The following PHF24 variants were observed in gnomAD, a reference collection of about 807,000 sequenced individuals.
PHF24 encodes Galpha inhibitory interacting protein.
In PHF24, 25 loss-of-function variants were observed where a neutral mutation model predicts 42.6. That is an observed-to-expected ratio of 0.59 (90% confidence interval 0.43 to 0.82). The LOEUF (loss-of-function observed/expected upper bound fraction) is 0.82, where lower values mean the gene tolerates loss of function less well. Among genes scored for constraint, PHF24 ranks in the 40% least tolerant of loss-of-function variants. The probability of loss-of-function intolerance (pLI) is 0.00; values close to 1 mark genes in which losing one functional copy is unlikely to be tolerated. For synonymous variants in PHF24, 185 were observed against 204.8 expected (o/e 0.90, Z 0.83); for missense variants, 470 against 538.1 (o/e 0.87, Z 1.25).
chr9:34,722,596 C>T, the PHF24 span, among the ~76,000 whole-genome samples: 3 of 152,240 alleles, frequency 2.0e-5, no homozygotes, highest in East Asian at 1.9e-4. Flanking sequence ...GTTCTTGGCA[C>T]GTAATAAACA....
At chr9:34,847,746 A>T in the PHF24 span, among the ~76,000 whole-genome samples, 1 of 152,146 alleles carries the variant, frequency 6.6e-6, no homozygotes, top group South Asian at 2.1e-4. Context: ...TTTGTCATAG[A>T]TAGCTCTTAT....
chr9:34,688,858 C>T, the PHF24 span, among the ~76,000 whole-genome samples: 3 of 152,154 alleles, frequency 2.0e-5, no homozygotes, highest in Non-Finnish European at 4.4e-5. Context: ...TGCTGGACAC[C>T]ACAAAAACAG....
At chr9:34,922,662 C>T in the PHF24 span, 1 of 1,204,348 alleles carries the variant, frequency 8.3e-7, no homozygotes, top group South Asian at 1.2e-5. Flanking sequence ...AGCTAGGTCT[C>T]AGTTTTCTCT....
At chr9:34,864,903 G>T in the PHF24 span, among the ~76,000 whole-genome samples, 1 of 152,106 alleles carries the variant, frequency 6.6e-6, no homozygotes, top group Non-Finnish European at 1.5e-5. Context: ...CAGGCCAGGC[G>T]CAGTGGCTCA....
At chr9:34,980,253 G>A (rs2132946787) in exon 8 of PHF24, 1 of 152,406 alleles carries the variant, frequency 6.6e-6, no homozygotes, top group Middle Eastern at 3.4e-3. Flanking sequence ...CTCTCCACGG[G>A]TGAGTGAGGA....
the PHF24 span, chr9:34,729,159 A>G: frequency 4.3e-6 from 5 of 1,175,410 alleles, no homozygotes; most frequent in Non-Finnish European, 5.9e-6. Context: ...GAAGAAAAGT[A>G]TTACACAAAG....
chr9:34,936,730 G>A, the PHF24 span, among the ~76,000 whole-genome samples: 8 of 147,660 alleles, frequency 5.4e-5, no homozygotes, highest in Non-Finnish European at 1.0e-4. Flanking sequence ...CGCCCCGTCT[G>A]GGATGTGAGG....
At chr9:34,682,611 G>A in the PHF24 span, among the ~76,000 whole-genome samples, 1 of 152,098 alleles carries the variant, frequency 6.6e-6, no homozygotes, top group Non-Finnish European at 1.5e-5. Flanking sequence ...CACAAAGTTA[G>A]CCCCTTTCTG....
At chr9:34,785,596 G>A in the PHF24 span, among the ~76,000 whole-genome samples, 1 of 152,088 alleles carries the variant, frequency 6.6e-6, no homozygotes, top group African/African-American at 2.4e-5. Flanking sequence ...CTAAGTTTGT[G>A]GTAATTTGTT....
chr9:34,673,903 G>T, the PHF24 span, among the ~76,000 whole-genome samples: 4 of 152,000 alleles, frequency 2.6e-5, no homozygotes, highest in African/African-American at 7.3e-5. Context: ...TTACAGGTGT[G>T]AGCCACCGCA....
chr9:34,970,820 G>A lies in PHF24; in HGVS notation c.-4-475G>A, dbSNP rs543773401. Among the ~76,000 whole-genome samples, 7 of 152,330 alleles carry A rather than the reference G, an allele frequency of 4.6e-5. No individual in the cohort carries two copies. In the South Asian group the frequency reaches 1.2e-3, roughly 27 times the overall value. On this transcript the variant is annotated intron_variant, in intron 1 of 7. Coordinates refer to ENST00000242315, the Ensembl canonical transcript of PHF24. ...GAGACAGAGATATCATTTCATGCACGTAGAGTGCTTTCCAGTCTACGAAGC... is the reference window on the plus strand; with the variant it reads ...GAGACAGAGATATCATTTCATGCACATAGAGTGCTTTCCAGTCTACGAAGC...
At chr9:34,899,944 C>T in the PHF24 span, among the ~76,000 whole-genome samples, 1 of 152,054 alleles carries the variant, frequency 6.6e-6, no homozygotes, top group East Asian at 1.9e-4. Flanking sequence ...AGTCCAGCAA[C>T]CTCTATATTA....
chr9:34,719,203 A>G, the PHF24 span, among the ~76,000 whole-genome samples: 3 of 152,056 alleles, frequency 2.0e-5, no homozygotes, highest in Non-Finnish European at 4.4e-5. Context: ...ATGCCCGGCT[A>G]ATTTTTGTAG....
chr9:34,889,101 C>G, the PHF24 span: 2 of 398,556 alleles, frequency 5.0e-6, no homozygotes, highest in Admixed American at 4.4e-5. Flanking sequence ...TGGAGAATGC[C>G]CTGCTTCACC....
At chr9:34,977,150 G>A in exon 6 of PHF24, 1 of 1,613,774 alleles carries the variant, frequency 6.2e-7, no homozygotes, top group Non-Finnish European at 8.5e-7. Flanking sequence ...CTGGCTCGGG[G>A]CAGTGGGAGC....
chr9:34,894,327 G>GT, the PHF24 span: 1 of 396,708 alleles, frequency 2.5e-6, no homozygotes, highest in East Asian at 3.6e-5. Context: ...AGCCTCCACT[G>GT]TGTATGTCTC....
chr9:34,709,210 G>A, the PHF24 span: 4 of 745,108 alleles, frequency 5.4e-6, no homozygotes, highest in East Asian at 7.7e-5. Flanking sequence ...GGGCAGCTCA[G>A]CCATGCAGGG....
chr9:34,835,654 C>G, the PHF24 span: 2 of 1,551,426 alleles, frequency 1.3e-6, no homozygotes, highest in Admixed American at 2.0e-5. Context: ...GGTGTTTGGG[C>G]CCCGGAGCAC....
chr9:34,940,918 C>T, the PHF24 span, among the ~76,000 whole-genome samples: 3 of 152,184 alleles, frequency 2.0e-5, no homozygotes, highest in African/African-American at 7.2e-5. Context: ...GGTTCCTAAA[C>T]ACAAGGAGCC....
Sources: allele counts gnomAD v4.1 joint callset (sites outside exome capture counted in the v4.1 genomes callset), GRCh38; gene constraint gnomAD v4.1.1; transcripts MANE v1.5; gene names NCBI Gene and HGNC (gene_info 2026-07-23, HGNC 2026-07-21).